RIMS1: variants seen among roughly 807,000 people sequenced by gnomAD.
The protein encoded by RIMS1 is regulating synaptic membrane exocytosis protein 1.
A neutral mutation model predicts 214.1 loss-of-function variants in RIMS1; 83 were observed. The ratio of observed to expected loss-of-function variants is 0.39; its 90% CI spans 0.32 to 0.47. RIMS1 has a LOEUF of 0.47. Ranked by LOEUF, RIMS1 falls within the 20% of genes least tolerant of loss-of-function variation. RIMS1 has a pLI of 0.99. For synonymous variants in RIMS1, 793 were observed against 786.8 expected (o/e 1.01, Z -0.13); for missense variants, 2,050 against 2,161.8 (o/e 0.95, Z 1.03).
At chr6:72,038,414 A>C (rs1820537584) in intron 2 of RIMS1, among the ~76,000 whole-genome samples, 1 of 152,122 alleles carries the variant, frequency 6.6e-6, no homozygotes, top group South Asian at 2.1e-4. Flanking sequence ...TTCATAATTC[A>C]GTGCAATGTT....
intron 2 of RIMS1, among the ~76,000 whole-genome samples, chr6:72,077,937 G>A (rs768457656): frequency 2.0e-5 from 3 of 152,082 alleles, no homozygotes; most frequent in Non-Finnish European, 4.4e-5. Context: ...TAAAAGAAAG[G>A]GGATAGCTTC....
chr6:72,248,568 G>A (rs1481412288), intron 12 of RIMS1, among the ~76,000 whole-genome samples: 1 of 152,144 alleles, frequency 6.6e-6, no homozygotes, highest in Admixed American at 6.5e-5. Flanking sequence ...GCCACTGAAA[G>A]CTCTCTGAAA....
At chr6:72,313,479 T>C (rs763192228) in intron 27 of RIMS1, 27 bp from the exon 28 acceptor site, 10 of 1,604,038 alleles carry the variant, frequency 6.2e-6, no homozygotes, top group Middle Eastern at 1.7e-4. Context: ...ATGATGGAGC[T>C]CACACTTTCT....
chr6:71,994,467 G>A (rs913226914), intron 2 of RIMS1, among the ~76,000 whole-genome samples: 2 of 152,106 alleles, frequency 1.3e-5, no homozygotes, highest in Non-Finnish European at 2.9e-5. Context: ...ATAAGACACA[G>A]CATGGTATTG....
chr6:72,009,888 C>T (rs1809665319), intron 2 of RIMS1, among the ~76,000 whole-genome samples: 1 of 152,154 alleles, frequency 6.6e-6, no homozygotes, highest in Non-Finnish European at 1.5e-5. Context: ...CCGAATTCTA[C>T]CAGAGGTACA....
chr6:72,127,570 C>T (rs1457927899), intron 4 of RIMS1, among the ~76,000 whole-genome samples: 1 of 152,098 alleles, frequency 6.6e-6, no homozygotes. Context: ...ACTATCAAAG[C>T]ATTATAAAGG....
intron 6 of RIMS1, among the ~76,000 whole-genome samples, chr6:72,210,682 A>T (rs906165876): frequency 6.6e-6 from 1 of 152,186 alleles, no homozygotes; most frequent in African/African-American, 2.4e-5. Flanking sequence ...ATTAGCTTTG[A>T]TTATTATTGC....
At chr6:72,265,313 A>G in intron 20 of RIMS1, 77 bp from the exon 21 acceptor site, 1 of 819,040 alleles carries the variant, frequency 1.2e-6, no homozygotes. Flanking sequence ...TTGCTTTGTC[A>G]TTTGTATATT....
intron 27 of RIMS1, among the ~76,000 whole-genome samples, chr6:72,312,774 T>C (rs1342779474): frequency 1.3e-5 from 2 of 152,170 alleles, no homozygotes; most frequent in South Asian, 2.1e-4. Context: ...AAAAGTTATA[T>C]ATTTTTAAGA....
intron 1 of RIMS1, among the ~76,000 whole-genome samples, chr6:71,949,815 T>C (rs1463203432): frequency 6.6e-6 from 1 of 152,190 alleles, no homozygotes; most frequent in African/African-American, 2.4e-5. Flanking sequence ...CAGTTTCTTA[T>C]AAATTAACAT....
rs372984148 is a variant in RIMS1, at chr6:71,989,101, A to G, written c.245+20038A>G. Among the ~76,000 whole-genome samples, 63 of 152,340 alleles carry G rather than the reference A, an allele frequency of 4.1e-4. No individual in the cohort carries two copies. The South Asian group carries it at 6.0e-3, about 15-fold the overall frequency. ...ATGGAAGAAGTATGGAAGTATATGC[A>G]TACCATTGTCAATAGTGGTGCATTA... On this transcript the variant is annotated intron_variant, in intron 2 of 33. Transcript: ENST00000521978.
intron 2 of RIMS1, among the ~76,000 whole-genome samples, chr6:72,084,486 T>C (rs1003760959): frequency 6.6e-6 from 1 of 152,182 alleles, no homozygotes; most frequent in Non-Finnish European, 1.5e-5. Context: ...ATCTCCAATA[T>C]TAGAAAGCAG....
intron 1 of RIMS1, among the ~76,000 whole-genome samples, chr6:71,898,869 TCACCCTTTTTA>T (rs1401025821): frequency 2.0e-5 from 3 of 152,160 alleles, no homozygotes; most frequent in Non-Finnish European, 4.4e-5. Flanking sequence ...TTTTCCACCG[TCACCCTTTTTA>T]CACTTGGTTC....
chr6:72,351,134 A>T (rs1022025205), intron 29 of RIMS1, among the ~76,000 whole-genome samples: 6 of 151,974 alleles, frequency 3.9e-5, no homozygotes, highest in Non-Finnish European at 8.8e-5. Context: ...TTTTAGTAAC[A>T]TATCATATTG....
Position 72,313,663 on chromosome 6 carries a change from G to T in RIMS1, c.4121G>T (p.Gly1374Val). 1 of 1,612,086 alleles carries T rather than the reference G, an allele frequency of 6.2e-7. No homozygotes were observed. The highest frequency in any genetic ancestry group is 8.5e-7 in the Non-Finnish European group (1 of 1,178,904). ...TCAGAGCAATCTGAGCGCCCCAGGG[G>T]TAGAATCAGGTGAGTTGGCAATACT... ...FMSEQSERPRGRISSFTPKMQ... is the reference protein window; with the variant it reads ...FMSEQSERPRVRISSFTPKMQ... Residue 1374 changes from glycine (G) to valine (V), a missense_variant, in exon 28 of 34, where the codon GGT becomes GTT. By Grantham distance (109) the Gly-to-Val change is moderately radical. Coordinates refer to ENST00000521978, the MANE Select transcript of RIMS1 (RefSeq NM_014989.7).
chr6:72,018,266 C>T (rs1813401059), intron 2 of RIMS1, among the ~76,000 whole-genome samples: 1 of 152,052 alleles, frequency 6.6e-6, no homozygotes, highest in South Asian at 2.1e-4. Flanking sequence ...GATTTCCTGA[C>T]AGATAAAATA....
intron 4 of RIMS1, among the ~76,000 whole-genome samples, chr6:72,123,267 T>C (rs557211457): frequency 6.6e-6 from 1 of 152,004 alleles, no homozygotes; most frequent in African/African-American, 2.4e-5. Context: ...TCAATTTCCA[T>C]GTAGTTGAGC....
intron 22 of RIMS1, 79 bp from the exon 23 acceptor site, chr6:72,274,270 C>T: frequency 3.1e-6 from 3 of 968,782 alleles, no homozygotes; most frequent in East Asian, 2.6e-5. Context: ...CTTTTCCAGT[C>T]CTCTTGTTCC....
intron 29 of RIMS1, among the ~76,000 whole-genome samples, chr6:72,338,849 AAGAGAGAGAGAGAGAGAGAGAGAGAG>A: frequency 7.2e-6 from 1 of 138,756 alleles, no homozygotes; most frequent in South Asian, 2.4e-4. Context: ...CCAACTTGTG[AAGAGAGAGAGAGAGAGAGAGAGAGAG>A]AGAGAGAGAG....
Sources: gnomAD v4.1 joint callset for allele counts (sites outside exome capture counted in the v4.1 genomes callset) on GRCh38, gnomAD v4.1.1 for gene constraint, MANE v1.5 for transcripts, NCBI Gene and HGNC (gene_info 2026-07-23, HGNC 2026-07-21) for gene names.